The following GLI2 variants were observed in gnomAD, a reference collection of about 807,000 sequenced individuals.
GLI2 encodes the protein GLI family zinc finger 2.
GLI2 carries 22 observed loss-of-function variants against 78.9 expected under a neutral mutation model. The ratio of observed to expected loss-of-function variants is 0.28; its 90% CI spans 0.20 to 0.40. The LOEUF (loss-of-function observed/expected upper bound fraction) is 0.40. Ranked by LOEUF, GLI2 falls within the 10% of genes least tolerant of loss-of-function variation. The pLI is 1.00. For synonymous variants in GLI2, 974 were observed against 963.7 expected (o/e 1.01, Z -0.20); for missense variants, 2,097 against 2,213.2 (o/e 0.95, Z 1.05).
At chr2:120,934,475 T>C (rs747976457) in intron 3 of GLI2, among the ~76,000 whole-genome samples, 1 of 152,118 alleles carries the variant, frequency 6.6e-6, no homozygotes, top group Non-Finnish European at 1.5e-5. Context: ...TCCTGAGCTG[T>C]AGTTGGTTTG....
At chr2:120,941,657 T>A (rs1680452838) in intron 3 of GLI2, among the ~76,000 whole-genome samples, 1 of 152,150 alleles carries the variant, frequency 6.6e-6, no homozygotes, top group African/African-American at 2.4e-5. Context: ...TGCCCAGCAT[T>A]TCTGAGGAAG....
intron 2 of GLI2, among the ~76,000 whole-genome samples, chr2:120,899,171 A>ATTGTGAGCC (rs1471471620): frequency 8.5e-5 from 13 of 152,064 alleles, no homozygotes; most frequent in Non-Finnish European, 1.5e-5. Context: ...GAGCAGGCTC[A>ATTGTGAGCC]TTGTGAGCCA....
chr2:120,868,239 CAT>C (rs72001619), intron 2 of GLI2, among the ~76,000 whole-genome samples: 1,973 of 152,278 alleles, frequency 0.013, 51 homozygotes, highest in African/African-American at 0.044. Flanking sequence ...CTTAGAAAAA[CAT>C]GTGTGTGTTA....
At chr2:120,803,357 G>T (rs957436183) in intron 2 of GLI2, among the ~76,000 whole-genome samples, 1 of 109,926 alleles carries the variant, frequency 9.1e-6, no homozygotes, top group Admixed American at 9.6e-5. Context: ...TTCGAAAAGT[G>T]TTGGGCACAG....
chr2:120,984,789 C>T (rs777554183), intron 12 of GLI2, 46 bp downstream of exon 12: 11 of 1,600,380 alleles, frequency 6.9e-6, no homozygotes, highest in South Asian at 3.3e-5. Flanking sequence ...ACTCCATAGC[C>T]GTGCCCAGGG....
At chr2:120,860,664 C>A (rs971304124) in intron 2 of GLI2, among the ~76,000 whole-genome samples, 7 of 152,176 alleles carry the variant, frequency 4.6e-5, no homozygotes, top group Admixed American at 3.3e-4. Flanking sequence ...GCAGGAGGGA[C>A]CTGGGTGTAG....
intron 2 of GLI2, among the ~76,000 whole-genome samples, chr2:120,886,033 A>T (rs1320081159): frequency 6.6e-6 from 1 of 152,124 alleles, no homozygotes; most frequent in East Asian, 1.9e-4. Flanking sequence ...TGCTGGCCTC[A>T]GGAGGTGAGA....
At chr2:120,985,756 C>A (rs547410821) in intron 12 of GLI2, among the ~76,000 whole-genome samples, 25 of 152,340 alleles carry the variant, frequency 1.6e-4, no homozygotes, top group African/African-American at 5.1e-4. Context: ...CTCCCTGCCC[C>A]ACTCTACCTA....
intron 3 of GLI2, among the ~76,000 whole-genome samples, chr2:120,939,600 G>T (rs553217030): frequency 6.6e-6 from 1 of 152,142 alleles, no homozygotes; most frequent in Non-Finnish European, 1.5e-5. Context: ...CATACTCCAC[G>T]TTCTTCCGAA....
chr2:120,770,255 C>G (rs1228026956), intron 1 of GLI2, among the ~76,000 whole-genome samples: 2 of 152,244 alleles, frequency 1.3e-5, no homozygotes, highest in African/African-American at 4.8e-5. Context: ...CACCCCCAGC[C>G]TCCTCCTGTC....
chr2:120,968,959 C>T (rs1197349894), intron 6 of GLI2, 44 bp downstream of exon 6: 2 of 1,511,556 alleles, frequency 1.3e-6, no homozygotes, highest in South Asian at 1.1e-5. Flanking sequence ...CAGAGCTGGG[C>T]TGAGGGCCCG....
chr2:120,769,201 C>T (rs778980603), intron 1 of GLI2, among the ~76,000 whole-genome samples: 50 of 152,198 alleles, frequency 3.3e-4, no homozygotes, highest in African/African-American at 8.7e-4. Flanking sequence ...CACTAGCTCC[C>T]GCCGCCAGTG....
intron 1 of GLI2, among the ~76,000 whole-genome samples, chr2:120,788,886 G>T (rs1482843028): frequency 6.6e-6 from 1 of 152,098 alleles, no homozygotes; most frequent in Non-Finnish European, 1.5e-5. Context: ...GGCACAGGCT[G>T]GCCAGGCTGT....
intron 1 of GLI2, among the ~76,000 whole-genome samples, chr2:120,789,786 C>T (rs760309947): frequency 1.6e-4 from 25 of 152,250 alleles, no homozygotes; most frequent in Non-Finnish European, 2.9e-4. Context: ...ATCCAGCAGA[C>T]ATGCACTGGC....
intron 2 of GLI2, among the ~76,000 whole-genome samples, chr2:120,808,533 C>T (rs763659072): frequency 2.1e-4 from 32 of 152,144 alleles, no homozygotes; most frequent in Non-Finnish European, 2.8e-4. Context: ...GCCAACGACA[C>T]ACTTTGCTGA....
At chr2:120,765,707 G>C (rs1479337105) in intron 1 of GLI2, among the ~76,000 whole-genome samples, 1 of 152,262 alleles carries the variant, frequency 6.6e-6, no homozygotes, top group Admixed American at 6.5e-5. Context: ...GGAGACAGGA[G>C]ATTCTGCAGG....
At chr2:120,930,808 C>A (rs1014002882) in intron 3 of GLI2, among the ~76,000 whole-genome samples, 18 of 152,266 alleles carry the variant, frequency 1.2e-4, no homozygotes, top group Non-Finnish European at 1.5e-5. Flanking sequence ...TCAGTGCCGT[C>A]CTTCCCTGTG....
chr2:120,836,157 G>A (rs1323629489), intron 2 of GLI2, among the ~76,000 whole-genome samples: 1 of 152,112 alleles, frequency 6.6e-6, no homozygotes, highest in Non-Finnish European at 1.5e-5. Flanking sequence ...CCTATCTATT[G>A]CTCTTCCTTG....
rs185995754 is a variant in GLI2 at position 120,827,115 on chromosome 2, T to G, written c.148+29647T>G. Among the ~76,000 whole-genome samples, 685 of 152,256 alleles carry G rather than the reference T, an allele frequency of 4.5e-3. 10 individuals carry two copies. Among genetic ancestry groups the G allele is most frequent in the Admixed American group, 0.025 (383 of 15,298 alleles). The stretch of plus-strand genomic sequence containing the variant: ...TTGACTAAATCCGTGACCGGATGAG[T>G]GCTTCAGGGACCTCTAGGCTTCCCT... On this transcript the variant is annotated intron_variant, in intron 2 of 13. Coordinates refer to ENST00000361492, the MANE Select transcript of GLI2 (RefSeq NM_001374353.1).
Sources: allele counts gnomAD v4.1 joint callset (sites outside exome capture counted in the v4.1 genomes callset), GRCh38; gene constraint gnomAD v4.1.1; transcripts MANE v1.5; gene names NCBI Gene and HGNC (gene_info 2026-07-23, HGNC 2026-07-21).